PMS1: variants seen among roughly 807,000 people sequenced by gnomAD.
The protein encoded by PMS1 is PMS1 protein homolog 1.
A neutral mutation model predicts 93.1 loss-of-function variants in PMS1; 79 were observed. That is an observed-to-expected ratio of 0.85 (90% CI 0.71 to 1.02). The LOEUF is 1.02. Ranked by LOEUF, PMS1 falls within the 50% of genes least tolerant of loss-of-function variation. PMS1 has a pLI of 0.00. For synonymous variants in PMS1, 335 were observed against 363.4 expected, an observed-to-expected ratio of 0.92 and a Z score of 0.89; for missense variants, 1,064 against 1,085.3, an observed-to-expected ratio of 0.98 and a Z score of 0.28.
intron 4 of PMS1, among the ~76,000 whole-genome samples, chr2:189,814,835 C>T (rs529877272): frequency 9.2e-5 from 14 of 152,096 alleles, no homozygotes; most frequent in East Asian, 1.9e-4. Flanking sequence ...CTGTGGCTGA[C>T]GCCTGTAATC....
intron 10 of PMS1, among the ~76,000 whole-genome samples, chr2:189,864,685 AAAATATATATATATATATATATATAT>A (rs1418294101): frequency 0.018 from 618 of 33,458 alleles, 47 homozygotes; most frequent in African/African-American, 0.035. Flanking sequence ...AAAAAAAAAA[AAAATATATATATATATATATATATAT>A]ATATATATAT....
chr2:189,809,314 G>C (rs922546065), intron 4 of PMS1, among the ~76,000 whole-genome samples: 1 of 152,092 alleles, frequency 6.6e-6, no homozygotes, highest in Non-Finnish European at 1.5e-5. Context: ...CAACACTGCA[G>C]TTTAATTCTG....
At chr2:189,800,548 A>T (rs1342550283) in intron 3 of PMS1, among the ~76,000 whole-genome samples, 1 of 152,162 alleles carries the variant, frequency 6.6e-6, no homozygotes, top group African/African-American at 2.4e-5. Context: ...TTTTAATCTT[A>T]AGGAATATTC....
At chr2:189,860,921 T>C (rs1387198041) in intron 9 of PMS1, among the ~76,000 whole-genome samples, 10 of 149,820 alleles carry the variant, frequency 6.7e-5, no homozygotes, top group African/African-American at 2.4e-5. Context: ...GCTTACTATT[T>C]GCATGGTATA....
intron 5 of PMS1, among the ~76,000 whole-genome samples, chr2:189,838,351 G>A (rs989913577): frequency 6.6e-6 from 1 of 152,080 alleles, no homozygotes; most frequent in African/African-American, 2.4e-5. Flanking sequence ...AAAAAAATGT[G>A]TTTATTTGCT....
chr2:189,797,635 AT>A (rs1385503062), intron 3 of PMS1, among the ~76,000 whole-genome samples: 1 of 152,206 alleles, frequency 6.6e-6, no homozygotes, highest in African/African-American at 2.4e-5. Context: ...GGCAGACCCT[AT>A]TTAGGCAAGA....
At chr2:189,809,737 C>G (rs1026944915) in intron 4 of PMS1, among the ~76,000 whole-genome samples, 6 of 152,016 alleles carry the variant, frequency 3.9e-5, no homozygotes, top group African/African-American at 1.4e-4. Context: ...CCCACTGAGG[C>G]AGGAGAATTG....
chr2:189,854,024 C>T lies in PMS1; in HGVS notation c.908C>T (p.Thr303Ile), dbSNP rs757665441. The change falls in exon 8 of 13, where the codon ACA becomes ATA. Residue 303 changes from threonine (T) to isoleucine (I), a missense_variant. Thr to Ile is a moderately conservative substitution (Grantham distance 89). Transcript: ENST00000441310. ...PVFFLKIDVPTADVDVNLTPD... is the reference protein window; with the variant it reads ...PVFFLKIDVPIADVDVNLTPD... ...TTCTTTCTGAAAATCGATGTTCCTA[C>T]AGCTGATGTTGATGTAAATTTAACA... The T allele has an allele frequency of 2.5e-6, 4 of 1,606,402 alleles. No individual in the cohort carries two copies. The Admixed American group carries it at 6.7e-5, about 27-fold the overall frequency.
At chr2:189,797,787 A>C (rs1359257674) in intron 3 of PMS1, among the ~76,000 whole-genome samples, 1 of 152,120 alleles carries the variant, frequency 6.6e-6, no homozygotes, top group Non-Finnish European at 1.5e-5. Context: ...ATAATGATAT[A>C]TTCTCTAGGT....
intron 4 of PMS1, among the ~76,000 whole-genome samples, chr2:189,809,970 C>A (rs918631652): frequency 3.3e-5 from 5 of 152,158 alleles, no homozygotes; most frequent in African/African-American, 9.7e-5. Context: ...TTTTTACTTT[C>A]ATATACACAT....
chr2:189,857,404 A>C (rs1032046937), intron 9 of PMS1: 3 of 453,114 alleles, frequency 6.6e-6, no homozygotes, highest in Admixed American at 2.5e-5. Context: ...ATTAGTGAGA[A>C]GGTAGAGCAA....
intron 4 of PMS1, chr2:189,806,388 TTTTTA>T (rs771921299): frequency 2.1e-4 from 65 of 316,212 alleles, no homozygotes; most frequent in South Asian, 3.5e-4. Flanking sequence ...TATCTTATGT[TTTTTA>T]TTTTATTTTA....
At chr2:189,806,154 A>G (rs1239520435) in intron 4 of PMS1, 1 of 330,844 alleles carries the variant, frequency 3.0e-6, no homozygotes, top group Non-Finnish European at 5.5e-6. Flanking sequence ...ATAATTTAAA[A>G]TCTATTTGTT....
At chr2:189,842,690 C>T (rs1455845721) in intron 5 of PMS1, among the ~76,000 whole-genome samples, 2 of 152,084 alleles carry the variant, frequency 1.3e-5, no homozygotes, top group African/African-American at 4.8e-5. Context: ...GCTTCTGTTA[C>T]AAGCAGGTTT....
At chr2:189,829,092 C>G (rs956512406) in intron 5 of PMS1, among the ~76,000 whole-genome samples, 11 of 152,104 alleles carry the variant, frequency 7.2e-5, no homozygotes, top group Non-Finnish European at 1.5e-5. Flanking sequence ...AGAGGATGAA[C>G]TACAGTTCAC....
Position 189,845,431 on chromosome 2 carries a change from C to T in PMS1, c.699+1351C>T, listed in dbSNP as rs564892710. Among the ~76,000 whole-genome samples, 9 of 151,734 alleles carry T rather than the reference C, an allele frequency of 5.9e-5. No individual in the cohort carries two copies. The South Asian group carries it at 1.9e-3, about 32-fold the overall frequency. On this transcript the variant is annotated intron_variant, in intron 6 of 12. Transcript: ENST00000441310. ...TGTTTTTCTTTGCTTAATAAATGGA[C>T]TATCTTATGTAGTTTTTCGCTTTTT...
In PMS1 at chr2:189,855,117, G is replaced by A. The variant is rs774104441; in HGVS notation, c.1845G>A (p.Glu615=). The A allele has an allele frequency of 3.7e-6, 6 of 1,612,782 alleles. No homozygotes were observed. The highest frequency in any genetic ancestry group is 5.1e-6 in the Non-Finnish European group (6 of 1,179,278). ...IEELWKTLSE[E]EKLKYEEKAT... is the part of the protein sequence containing the mutation. ...AACTGTGGAAGACATTGAGTGAAGA[G>A]GAAAAACTGAAGTAAGTTTCCAGAG... The change falls in exon 9 of 13, where the codon GAG becomes GAA. Residue 615 remains glutamate, a synonymous_variant. Coordinates refer to ENST00000441310, the MANE Select transcript of PMS1 (RefSeq NM_000534.5).
chr2:189,819,206 A>G (rs1305739686), intron 5 of PMS1, among the ~76,000 whole-genome samples: 2 of 152,194 alleles, frequency 1.3e-5, no homozygotes, highest in African/African-American at 4.8e-5. Context: ...TGTTGCTGCA[A>G]AAGATGTGAT....
chr2:189,817,155 C>G (rs1019931178), intron 4 of PMS1, among the ~76,000 whole-genome samples: 4 of 152,126 alleles, frequency 2.6e-5, no homozygotes, highest in Admixed American at 2.6e-4. Context: ...ATGCACAGAA[C>G]AGTCCCCCAC....
Sources: allele counts gnomAD v4.1 joint callset (sites outside exome capture counted in the v4.1 genomes callset), GRCh38; gene constraint gnomAD v4.1.1; transcripts MANE v1.5; gene names NCBI Gene and HGNC (gene_info 2026-07-23, HGNC 2026-07-21).